The following TLL1 variants were observed in gnomAD, a reference collection of about 807,000 sequenced individuals.
TLL1 encodes tolloid like 1.
In TLL1, 49 loss-of-function variants were observed where a neutral mutation model predicts 128.2. The observed-to-expected ratio is 0.38, with a 90% CI of 0.30 to 0.48. The LOEUF (loss-of-function observed/expected upper bound fraction) is 0.48, where lower values mean the gene tolerates loss of function less well. TLL1 is among the 20% of genes least tolerant of loss of function. The pLI is 0.96. For synonymous variants in TLL1, 454 were observed against 418.8 expected (o/e 1.08, Z -1.03); for missense variants, 1,123 against 1,242.0 (o/e 0.90, Z 1.44).
intron 1 of TLL1, among the ~76,000 whole-genome samples, chr4:165,897,279 T>A (rs780284450): frequency 6.6e-5 from 10 of 152,192 alleles, no homozygotes; most frequent in Non-Finnish European, 1.5e-4. Flanking sequence ...GCTTTTGGTG[T>A]TTTAGTCGTG....
At position 166,012,574 on chromosome 4, in the gene TLL1, C is replaced by G. The variant is rs140475287; in HGVS notation, c.918-1862C>G. Among the ~76,000 whole-genome samples the G allele has an allele frequency of 6.9e-3, 1,046 of 151,650 alleles. 7 individuals carry two copies. Among genetic ancestry groups the G allele is most frequent in the African/African-American group, 0.024 (1,001 of 41,450 alleles). ...TAAATGCTTTGTTAGTACTGAAGTACTACAGAAATTTAATACTCCATTAAT... is the reference window on the plus strand; with the variant it reads ...TAAATGCTTTGTTAGTACTGAAGTAGTACAGAAATTTAATACTCCATTAAT... On this transcript the variant is annotated intron_variant, in intron 7 of 20. Coordinates refer to ENST00000061240, the MANE Select transcript of TLL1 (RefSeq NM_012464.5).
intron 1 of TLL1, among the ~76,000 whole-genome samples, chr4:165,877,793 T>C (rs1315979507): frequency 2.6e-5 from 4 of 152,044 alleles, no homozygotes; most frequent in African/African-American, 9.7e-5. Flanking sequence ...TTTTTTTCTT[T>C]TTTTGTATTT....
intron 1 of TLL1, among the ~76,000 whole-genome samples, chr4:165,931,718 C>CAAAAAAAAAAAGAA (rs761214388): frequency 2.2e-5 from 3 of 133,544 alleles, no homozygotes; most frequent in South Asian, 5.1e-4. Context: ...GACTCTGTCT[C>CAAAAAAAAAAAGAA]AAAAGAAAAA....
chr4:166,000,343 C>T lies in TLL1; in HGVS notation c.633-3048C>T, dbSNP rs867626118. ...ATCTGAGAGTCTAGAATTCATCTGT[C>T]TCCAAGACCTTTAATTAGTTGGGGA... On this transcript the variant is annotated intron_variant, in intron 5 of 20. Transcript: ENST00000061240. 2.6e-5 allele frequency among the ~76,000 whole-genome samples: 4 copies of T among 152,304 alleles called. No homozygotes were observed. In the South Asian group the frequency reaches 6.2e-4, roughly 24 times the overall value.
At chr4:166,024,059 A>G (rs1738374008) in intron 8 of TLL1, among the ~76,000 whole-genome samples, 1 of 152,126 alleles carries the variant, frequency 6.6e-6, no homozygotes, top group South Asian at 2.1e-4. Context: ...ACATTTGTCA[A>G]GTGCCCTGGA....
chr4:165,936,926 C>T (rs1733790066), intron 1 of TLL1, among the ~76,000 whole-genome samples: 1 of 152,108 alleles, frequency 6.6e-6, no homozygotes, highest in African/African-American at 2.4e-5. Context: ...GAGTGAGACT[C>T]CATCTCAAAC....
At chr4:165,892,674 T>C (rs941554058) in intron 1 of TLL1, among the ~76,000 whole-genome samples, 1 of 152,226 alleles carries the variant, frequency 6.6e-6, no homozygotes, top group Non-Finnish European at 1.5e-5. Context: ...GCCCATTTCA[T>C]AAATGTGCTA....
At chr4:165,960,428 G>A (rs1735038645) in intron 1 of TLL1, among the ~76,000 whole-genome samples, 1 of 151,990 alleles carries the variant, frequency 6.6e-6, no homozygotes, top group African/African-American at 2.4e-5. Flanking sequence ...TATTCCAAAA[G>A]TGAAGGAGGA....
intron 10 of TLL1, among the ~76,000 whole-genome samples, chr4:166,041,552 G>A (rs927696240): frequency 3.9e-5 from 6 of 151,946 alleles, no homozygotes; most frequent in Non-Finnish European, 8.8e-5. Context: ...ACCCACCTCG[G>A]CCTCCCAAAG....
chr4:166,097,992 G>A (rs773592659), intron 19 of TLL1, among the ~76,000 whole-genome samples: 5 of 151,972 alleles, frequency 3.3e-5, no homozygotes, highest in East Asian at 1.9e-4. Flanking sequence ...TAGGTTGGTG[G>A]GGCATTGTAG....
intron 1 of TLL1, among the ~76,000 whole-genome samples, chr4:165,875,946 C>G (rs1730705798): frequency 6.6e-6 from 1 of 151,812 alleles, no homozygotes; most frequent in Non-Finnish European, 1.5e-5. Flanking sequence ...TTTTTGTTTC[C>G]CCTTTGATGC....
At chr4:166,084,886 T>G (rs554338909) in intron 18 of TLL1, among the ~76,000 whole-genome samples, 2 of 152,120 alleles carry the variant, frequency 1.3e-5, no homozygotes. Context: ...TATGCAGTCT[T>G]TTTATGGTTC....
intron 1 of TLL1, among the ~76,000 whole-genome samples, chr4:165,889,072 A>G (rs924807612): frequency 2.6e-5 from 4 of 152,298 alleles, no homozygotes; most frequent in African/African-American, 9.6e-5. Flanking sequence ...TTTAAAAAAT[A>G]CTTTATCTAG....
rs750811966 is a variant in TLL1, at chr4:165,926,940, A to T, written c.169+52867A>T. Among the ~76,000 whole-genome samples the T allele has an allele frequency of 7.8e-4, 119 of 152,158 alleles. 4 individuals carry two copies. Among genetic ancestry groups the T allele is most frequent in the Non-Finnish European group, 1.8e-4 (12 of 68,016 alleles). ...AGGTTAATGTTACTCCTTTTTTCAAAAAACAGTCTCAGTTTCTTTTTCAAA... is the reference window on the plus strand; with the variant it reads ...AGGTTAATGTTACTCCTTTTTTCAATAAACAGTCTCAGTTTCTTTTTCAAA... On this transcript the variant is annotated intron_variant, in intron 1 of 20. Coordinates refer to ENST00000061240, the MANE Select transcript of TLL1 (RefSeq NM_012464.5).
At position 166,010,346 on chromosome 4, in the gene TLL1, A is replaced by G. The variant is rs74942558; in HGVS notation, c.917+2298A>G. ...TAGTAGCCATTCTGAGTGTGATGTC[A>G]TATCTCGTTGTGGTTTTGACTTAAC... On this transcript the variant is annotated intron_variant, in intron 7 of 20. Transcript: ENST00000061240. 4.0e-4 allele frequency among the ~76,000 whole-genome samples: 61 copies of G among 151,230 alleles called. No individual in the cohort carries two copies. In the East Asian group the frequency reaches 0.011, roughly 28 times the overall value.
At chr4:165,999,361 A>G (rs918220354) in intron 5 of TLL1, among the ~76,000 whole-genome samples, 4 of 152,202 alleles carry the variant, frequency 2.6e-5, no homozygotes, top group Non-Finnish European at 4.4e-5. Context: ...GCCAAAGGAA[A>G]CTTACAATCA....
At chr4:165,901,922 T>C (rs917261364) in intron 1 of TLL1, among the ~76,000 whole-genome samples, 3 of 152,212 alleles carry the variant, frequency 2.0e-5, no homozygotes, top group Admixed American at 6.5e-5. Context: ...GCTGCTGGCT[T>C]TCTTTCAGAG....
Position 165,904,208 on chromosome 4 carries a change from A to G in TLL1, c.169+30135A>G, listed in dbSNP as rs909767915. 2.0e-5 allele frequency among the ~76,000 whole-genome samples: 3 copies of G among 152,206 alleles called. No individual in the cohort carries two copies. In the South Asian group the frequency reaches 6.2e-4, roughly 31 times the overall value. Reference sequence around the variant, plus strand: ...AAAATGGAAGAACTTGCCTATGAATACAATCTTATATTGATTACTCGGCCA... The same window carrying G: ...AAAATGGAAGAACTTGCCTATGAATGCAATCTTATATTGATTACTCGGCCA... On this transcript the variant is annotated intron_variant, in intron 1 of 20. Transcript: ENST00000061240.
At chr4:165,988,207 C>A (rs539749903) in intron 1 of TLL1, among the ~76,000 whole-genome samples, 3 of 151,968 alleles carry the variant, frequency 2.0e-5, no homozygotes, top group African/African-American at 7.2e-5. Context: ...ATATATATGA[C>A]GAACTTTAAA....
Sources: gnomAD v4.1 joint callset for allele counts (sites outside exome capture counted in the v4.1 genomes callset) on GRCh38, gnomAD v4.1.1 for gene constraint, MANE v1.5 for transcripts, NCBI Gene and HGNC (gene_info 2026-07-23, HGNC 2026-07-21) for gene names.